SIK2: variants seen among roughly 807,000 people sequenced by gnomAD.
SIK2 encodes serine/threonine-protein kinase SIK2.
Under a neutral mutation model 103.2 loss-of-function variants are expected in SIK2, and 29 were observed. The ratio of observed to expected loss-of-function variants is 0.28; its 90% CI spans 0.21 to 0.38. SIK2 has a LOEUF of 0.38. SIK2 is among the 10% of genes least tolerant of loss of function. SIK2 has a pLI of 1.00. For missense variants in SIK2, 879 were observed against 1,171.0 expected, an observed-to-expected ratio of 0.75 and a Z score of 3.64; for synonymous variants, 412 against 446.1, an observed-to-expected ratio of 0.92 and a Z score of 0.96.
Position 111,705,725 on chromosome 11 carries a change from A to C in SIK2, c.1101+586A>C, listed in dbSNP as rs904391554. Among the ~76,000 whole-genome samples, 1 of 152,226 alleles carries C rather than the reference A, an allele frequency of 6.6e-6. No homozygotes were observed. The highest frequency in any genetic ancestry group is 2.1e-4 in the South Asian group (1 of 4,826). On this transcript the variant is annotated intron_variant, in intron 8 of 14. Coordinates refer to ENST00000304987, the MANE Select transcript of SIK2 (RefSeq NM_015191.3). This position sits in a 1 kb window ranked among gnomAD's most constrained non-coding sequence, Gnocchi z 4.3. The stretch of plus-strand genomic sequence containing the variant: ...GAATGCCAAGGTAAAGAGTTTACTT[A>C]CAATTCAAGAAGCAACAAGGACCTA...
Position 111,730,686 on chromosome 11 carries a change from C to T in SIK2, c.*6557C>T, listed in dbSNP as rs1489187292. On this transcript the variant is annotated 3_prime_UTR_variant, in exon 15 of 15. Transcript: ENST00000304987. ...ATAGCTCCAATGTGAAAAAAAAAAT[C>T]AAAAGTATAACTTGTCACTTAATGT... 2 of 151,234 alleles carry T rather than the reference C, an allele frequency of 1.3e-5. No homozygotes were observed. The highest frequency in any genetic ancestry group is 2.9e-5 in the Non-Finnish European group (2 of 67,878). The allele number at this position is 151,234 out of a possible 1,614,324, so 9.4% of individuals were successfully genotyped here. A position where few individuals can be genotyped will look rare whatever the true frequency, so the allele number is the denominator to read the frequency against.
rs151246651 is a variant in SIK2 at position 111,644,467 on chromosome 11, G to A, written c.316+24065G>A. On this transcript the variant is annotated intron_variant, in intron 3 of 14. Coordinates refer to ENST00000304987, the MANE Select transcript of SIK2 (RefSeq NM_015191.3). ...AAATACAGCCACAGGCACGTATCTC[G>A]TTTTCTGAGTGACTGCATCCCACCT... Among the ~76,000 whole-genome samples the A allele has an allele frequency of 9.6e-3, 1,457 of 151,900 alleles. 13 individuals carry two copies. The highest frequency in any genetic ancestry group is 0.017 in the Non-Finnish European group (1,133 of 67,996).
intron 7 of SIK2, among the ~76,000 whole-genome samples, chr11:111,704,261 G>A (rs556269580): frequency 1.5e-3 from 230 of 152,286 alleles, no homozygotes; most frequent in African/African-American, 5.0e-3. Context: ...TGTGATTTTT[G>A]CTGAGAGTGC....
intron 3 of SIK2, chr11:111,671,782 A>G (rs1940528): frequency 0.18 from 76,844 of 416,140 alleles, 8,302 homozygotes; most frequent in East Asian, 0.33. Flanking sequence ...TGTAAGCTTC[A>G]TCCACATCCT....
At chr11:111,614,554 T>G (rs564083979) in intron 1 of SIK2, among the ~76,000 whole-genome samples, 11 of 152,176 alleles carry the variant, frequency 7.2e-5, no homozygotes, top group African/African-American at 2.4e-4. Context: ...GAAAATACAT[T>G]TATTACTCAT....
chr11:111,618,319 G>A (rs1278868182), intron 2 of SIK2, among the ~76,000 whole-genome samples: 8 of 152,106 alleles, frequency 5.3e-5, no homozygotes, highest in Non-Finnish European at 1.0e-4. Context: ...AACAGGCCAC[G>A]GACTGCACCA....
chr11:111,691,182 T>C (rs923091603), intron 4 of SIK2, among the ~76,000 whole-genome samples: 1 of 152,212 alleles, frequency 6.6e-6, no homozygotes, highest in Non-Finnish European at 1.5e-5. Flanking sequence ...TTGTGTGATA[T>C]CTTAGGTTTT....
Position 111,654,398 on chromosome 11 carries a change from A to C in SIK2, c.317-33603A>C, listed in dbSNP as rs115124398. ...TCTTTGGAATGTAGACTACTTCAAG[A>C]TCTGAGTTATTATTATTCAGTAATG... is the stretch of plus-strand genomic sequence containing the variant. On this transcript the variant is annotated intron_variant, in intron 3 of 14. Transcript: ENST00000304987. 8.1e-3 allele frequency among the ~76,000 whole-genome samples: 1,229 copies of C among 152,290 alleles called. 20 individuals are homozygous for C. Among genetic ancestry groups the C allele is most frequent in the African/African-American group, 0.028 (1,169 of 41,566 alleles).
chr11:111,632,982 CT>C (rs1330522417), intron 3 of SIK2, among the ~76,000 whole-genome samples: 1 of 152,110 alleles, frequency 6.6e-6, no homozygotes, highest in African/African-American at 2.4e-5. Flanking sequence ...GTCTTCTGTA[CT>C]TTTGGAAACT....
At chr11:111,667,111 G>C (rs2135876644) in intron 3 of SIK2, among the ~76,000 whole-genome samples, 1 of 152,052 alleles carries the variant, frequency 6.6e-6, no homozygotes, top group South Asian at 2.1e-4. Flanking sequence ...GGGATTACTG[G>C]CTAATTTTTG....
intron 3 of SIK2, among the ~76,000 whole-genome samples, chr11:111,682,309 G>A (rs1370138222): frequency 2.0e-5 from 3 of 152,154 alleles, no homozygotes; most frequent in Admixed American, 1.3e-4. Context: ...TAGGATGACC[G>A]ACCCAGTTTC....
intron 3 of SIK2, among the ~76,000 whole-genome samples, chr11:111,680,109 G>A (rs973512015): frequency 4.0e-5 from 6 of 151,318 alleles, no homozygotes; most frequent in Non-Finnish European, 8.8e-5. Context: ...GTGACAGGGC[G>A]AGACTCCATC....
chr11:111,697,322 A>G (rs1055668508), intron 4 of SIK2, among the ~76,000 whole-genome samples: 1 of 152,210 alleles, frequency 6.6e-6, no homozygotes, highest in African/African-American at 2.4e-5. Context: ...CATCTAGCAG[A>G]TCTTTATCGA....
At chr11:111,630,211 C>G (rs958886120) in intron 3 of SIK2, among the ~76,000 whole-genome samples, 1 of 152,020 alleles carries the variant, frequency 6.6e-6, no homozygotes, top group Non-Finnish European at 1.5e-5. Context: ...GTAAAAGAAG[C>G]TGGACACAAA....
intron 9 of SIK2, among the ~76,000 whole-genome samples, chr11:111,713,388 G>A (rs577566825): frequency 9.2e-4 from 140 of 152,258 alleles, no homozygotes; most frequent in Middle Eastern, 3.4e-3. Flanking sequence ...CCTCCTCTTA[G>A]TGTGAACTTG....
chr11:111,664,725 A>G (rs1942512793), intron 3 of SIK2, among the ~76,000 whole-genome samples: 1 of 116,626 alleles, frequency 8.6e-6, no homozygotes, highest in South Asian at 3.1e-4. Context: ...CACCCCTCCC[A>G]TTAGAGAAAT....
In SIK2 at chr11:111,729,572, GT is replaced by G. The variant is rs1944113705; in HGVS notation, c.*5447del. The G allele has an allele frequency of 6.6e-6, 1 of 152,220 alleles. No individual in the cohort carries two copies. The highest frequency in any genetic ancestry group is 6.5e-5 in the Admixed American group (1 of 15,288). The allele number at this position is 152,220 out of a possible 1,614,324, so 9.4% of individuals were successfully genotyped here. On this transcript the variant is annotated 3_prime_UTR_variant, in exon 15 of 15. Coordinates refer to ENST00000304987, the MANE Select transcript of SIK2 (RefSeq NM_015191.3). ...ACGCGCTTGGGTTGACTGGCTTCTG[GT>G]TTTGGTTCTCTGGCTTCTAGTGCTG...
chr11:111,636,731 C>T (rs1034937891), intron 3 of SIK2, among the ~76,000 whole-genome samples: 1 of 152,110 alleles, frequency 6.6e-6, no homozygotes, highest in African/African-American at 2.4e-5. Context: ...TGTTTCTCTA[C>T]CATAATACAG....
chr11:111,674,867 C>T (rs577762661), intron 3 of SIK2, among the ~76,000 whole-genome samples: 4 of 152,284 alleles, frequency 2.6e-5, no homozygotes, highest in African/African-American at 9.6e-5. Context: ...CTGCCTCAGC[C>T]TCCCAAGTAG....
Sources: gnomAD v4.1 joint callset for allele counts (sites outside exome capture counted in the v4.1 genomes callset) on GRCh38, gnomAD v4.1.1 for gene constraint, Gnocchi (gnomAD v3.1) non-coding constraint, MANE v1.5 for transcripts, NCBI Gene and HGNC (gene_info 2026-07-23, HGNC 2026-07-21) for gene names.